Variants in FAM120C observed in about 807,000 individuals in gnomAD.
FAM120C encodes constitutive coactivator of PPAR-gamma-like protein 2.
A neutral mutation model predicts 71.2 loss-of-function variants in FAM120C; 14 were observed. The observed-to-expected ratio is 0.20, with a 90% CI of 0.13 to 0.31. The LOEUF is 0.31. FAM120C is among the 10% of genes least tolerant of loss of function. The probability of loss-of-function intolerance (pLI) is 1.00; values close to 1 mark genes in which losing one functional copy is unlikely to be tolerated. For synonymous variants in FAM120C, 354 were observed against 353.2 expected, an observed-to-expected ratio of 1.00 and a Z score of -0.03; for missense variants, 500 against 879.0, an observed-to-expected ratio of 0.57 and a Z score of 5.45.
chrX:54,085,644 G>T, intron 13 of FAM120C, 71 bp downstream of exon 13: 3 of 946,329 alleles, frequency 3.2e-6, no homozygotes, highest in Admixed American at 2.4e-5. Flanking sequence ...TCCTGTTATT[G>T]ACAATAATGA....
At chrX:54,167,351 TC>T (rs2067264883) in intron 1 of FAM120C, among the ~76,000 whole-genome samples, 1 of 111,899 alleles carries the variant, frequency 8.9e-6, no homozygotes, top group African/African-American at 3.2e-5. Flanking sequence ...CTTGCAATTT[TC>T]CAGGAGAGTA....
In FAM120C at chrX:54,140,897, G is replaced by A. The variant is rs782343293; in HGVS notation, c.1159-4307C>T. Among the ~76,000 whole-genome samples, 3 of 101,711 alleles carry A rather than the reference G, an allele frequency of 2.9e-5. No individual in the cohort carries two copies. In the Admixed American group the frequency reaches 3.3e-4, roughly 11 times the overall value. 88.3% of individuals were successfully genotyped at this position (101,711 alleles called of 115,157 possible). On this transcript the variant is annotated intron_variant, in intron 4 of 15. Coordinates refer to ENST00000375180, the MANE Select transcript of FAM120C (RefSeq NM_017848.6). The stretch of plus-strand genomic sequence containing the variant: ...AGGGGTTGCAGTGAGCCAAGATTGT[G>A]TCACTGCACTCCAGCTTGGGTGACA...
At chrX:54,100,416 C>T (rs887087424) in intron 10 of FAM120C, among the ~76,000 whole-genome samples, 3 of 111,767 alleles carry the variant, frequency 2.7e-5, no homozygotes, top group South Asian at 3.8e-4. Flanking sequence ...TGGTGTGAAC[C>T]GGGGAGGCGG....
At chrX:54,104,015 TC>T (rs1319655765) in intron 10 of FAM120C, among the ~76,000 whole-genome samples, 1 of 112,122 alleles carries the variant, frequency 8.9e-6, no homozygotes, top group Non-Finnish European at 1.9e-5. Context: ...CAAGAGAGAT[TC>T]CTCAACTTTA....
In FAM120C at chrX:54,069,295, A is replaced by C. The variant is rs1877832375; in HGVS notation, c.*3738T>G. 1 of 111,014 alleles carries C rather than the reference A, an allele frequency of 9.0e-6. No homozygotes were observed. 9.1% of individuals were successfully genotyped at this position (111,014 alleles called of 1,213,427 possible). A position where few individuals can be genotyped will look rare whatever the true frequency, so the allele number is the denominator to read the frequency against. On this transcript the variant is annotated 3_prime_UTR_variant, in exon 16 of 16. Transcript: ENST00000375180. ...AGGATGGAGAAAAATATAAGATGAC[A>C]CGCAATGGAACAGTGAAAACTCAAC...
rs782646419 is a variant in FAM120C, at chrX:54,129,266, G to T, written c.2062+3426C>A. 7.4e-3 allele frequency among the ~76,000 whole-genome samples: 797 copies of T among 108,221 alleles called. 3 individuals carry two copies. Among genetic ancestry groups the T allele is most frequent in the Non-Finnish European group, 0.012 (602 of 51,689 alleles). 94.0% of individuals were successfully genotyped at this position (108,221 alleles called of 115,157 possible). ...GGAGGGGCTCCTCACTTCTCAGACG[G>T]GGCGGCTGCCGGGCGGAGGGTCTCC... On this transcript the variant is annotated intron_variant, in intron 9 of 15. Coordinates refer to ENST00000375180, the MANE Select transcript of FAM120C (RefSeq NM_017848.6).
rs200954875 is a variant in FAM120C, at chrX:54,076,345, C to CA, written c.3037-3059dup. ...CTGTTTTTTTAAAAAAAAAAAAATA[C>CA]AAAAAAAAAAAGAATTTAAGAACAT... On this transcript the variant is annotated intron_variant, in intron 15 of 15. Transcript: ENST00000375180. Among the ~76,000 whole-genome samples, 272 of 90,621 alleles carry CA rather than the reference C, an allele frequency of 3.0e-3. 1 individual carries two copies. In the East Asian group the frequency reaches 0.044, roughly 15 times the overall value. The allele number at this position is 90,621 out of a possible 115,157, so 78.7% of individuals were successfully genotyped here.
intron 4 of FAM120C, among the ~76,000 whole-genome samples, chrX:54,142,530 G>A (rs1350343661): frequency 1.8e-5 from 2 of 112,015 alleles, no homozygotes; most frequent in Non-Finnish European, 3.8e-5. Flanking sequence ...AGGCAGCAGC[G>A]AGGCTGGGGG....
chrX:54,169,688 A>G (rs2067277599), intron 1 of FAM120C, among the ~76,000 whole-genome samples: 1 of 112,033 alleles, frequency 8.9e-6, no homozygotes, highest in Non-Finnish European at 1.9e-5. Flanking sequence ...AATCAGAGAT[A>G]GTAAGGAAGT....
intron 10 of FAM120C, among the ~76,000 whole-genome samples, chrX:54,110,564 T>C (rs960343757): frequency 1.8e-5 from 2 of 110,954 alleles, no homozygotes; most frequent in Non-Finnish European, 3.8e-5. Flanking sequence ...GTGTTCACTG[T>C]ACTATTATTC....
At position 54,130,244 on chromosome X, in the gene FAM120C, C is replaced by T. The variant is rs781900923; in HGVS notation, c.2062+2448G>A. ...TTCTGAATATTACCCCTTTGTCCAA[C>T]GCATAGTTTGCAAATATTTTTCCCA... On this transcript the variant is annotated intron_variant, in intron 9 of 15. Transcript: ENST00000375180. Among the ~76,000 whole-genome samples the T allele has an allele frequency of 9.9e-5, 11 of 111,474 alleles. No homozygotes were observed. In the East Asian group the frequency reaches 1.7e-3, roughly 17 times the overall value.
chrX:54,112,840 CAAAA>C (rs201361878), intron 10 of FAM120C, among the ~76,000 whole-genome samples: 11 of 73,413 alleles, frequency 1.5e-4, no homozygotes, highest in Admixed American at 1.6e-4. Context: ...GACTCTGTCT[CAAAA>C]AAAAAAAAAA....
At chrX:54,110,718 C>G (rs1279321487) in intron 10 of FAM120C, among the ~76,000 whole-genome samples, 1 of 109,885 alleles carries the variant, frequency 9.1e-6, no homozygotes, top group Non-Finnish European at 1.9e-5. Flanking sequence ...GAGTTCAAGA[C>G]TGGGCAACAT....
rs782425717 is a variant in FAM120C, at chrX:54,082,609, G to A, written c.2840-1149C>T. 1.3e-4 allele frequency among the ~76,000 whole-genome samples: 14 copies of A among 108,798 alleles called. No homozygotes were observed. The South Asian group carries it at 5.0e-3, about 39-fold the overall frequency. 94.5% of individuals were successfully genotyped at this position (108,798 alleles called of 115,157 possible). On this transcript the variant is annotated intron_variant, in intron 13 of 15. Coordinates refer to ENST00000375180, the MANE Select transcript of FAM120C (RefSeq NM_017848.6). ...TTTTTAGTAGAGACAGGGGTTCACC[G>A]TATTGGCCAGGCTGGTCTCGAACTC...
intron 10 of FAM120C, among the ~76,000 whole-genome samples, chrX:54,111,598 G>A (rs184374707): frequency 1.0e-3 from 112 of 109,570 alleles, no homozygotes; most frequent in Non-Finnish European, 1.9e-3. Flanking sequence ...GGATCTCTAC[G>A]AGGAAAACTA....
chrX:54,141,256 C>A (rs1263143877), intron 4 of FAM120C, among the ~76,000 whole-genome samples: 1 of 111,189 alleles, frequency 9.0e-6, no homozygotes, highest in East Asian at 2.8e-4. Flanking sequence ...AAAATAAATG[C>A]AAAAATACTC....
intron 4 of FAM120C, among the ~76,000 whole-genome samples, chrX:54,139,329 T>TTTTA (rs375711849): frequency 0.061 from 5,403 of 88,928 alleles, 350 homozygotes; most frequent in African/African-American, 0.18. Context: ...TTTTTTTTGC[T>TTTTA]TTTATTTATT....
intron 1 of FAM120C, among the ~76,000 whole-genome samples, chrX:54,167,688 C>T (rs958931520): frequency 1.2e-4 from 13 of 110,193 alleles, no homozygotes; most frequent in African/African-American, 4.3e-4. Context: ...CAGGGGAGGC[C>T]GGGTGTGGTG....
At chrX:54,114,108 C>A (rs965198866) in intron 10 of FAM120C, among the ~76,000 whole-genome samples, 10 of 110,392 alleles carry the variant, frequency 9.1e-5, no homozygotes, top group Admixed American at 2.0e-4. Context: ...AGAATGAAAT[C>A]ATGTCTTTTG....
Sources: allele counts gnomAD v4.1 joint callset (sites outside exome capture counted in the v4.1 genomes callset), GRCh38; gene constraint gnomAD v4.1.1; transcripts MANE v1.5; gene names NCBI Gene and HGNC (gene_info 2026-07-23, HGNC 2026-07-21).